The following HNF1B variants were observed in gnomAD, a reference collection of about 807,000 sequenced individuals.
The protein encoded by HNF1B is hepatocyte nuclear factor 1-beta.
HNF1B carries 8 observed loss-of-function variants against 61.7 expected under a neutral mutation model. That is an observed-to-expected ratio of 0.13 (90% CI 0.08 to 0.23). HNF1B has a LOEUF of 0.23. HNF1B is among the 10% of genes least tolerant of loss of function. The probability of loss-of-function intolerance (pLI) is 1.00; values close to 1 mark genes in which losing one functional copy is unlikely to be tolerated. For missense variants in HNF1B, 562 were observed against 714.5 expected, an observed-to-expected ratio of 0.79 and a Z score of 2.43; for synonymous variants, 314 against 287.7, an observed-to-expected ratio of 1.09 and a Z score of -0.93.
At chr17:37,700,210 C>T (rs8075185) in intron 7 of HNF1B, among the ~76,000 whole-genome samples, 53,549 of 152,062 alleles carry the variant, frequency 0.35, 9,811 homozygotes, top group East Asian at 0.48. Context: ...AGAGAAGCCA[C>T]GATTCCTCCC....
intron 1 of HNF1B, among the ~76,000 whole-genome samples, chr17:37,743,164 A>C (rs2147591579): frequency 6.6e-6 from 1 of 152,198 alleles, no homozygotes; most frequent in Admixed American, 6.5e-5. Flanking sequence ...GCCGAGTGGG[A>C]GGGCCTAGGC....
intron 8 of HNF1B, among the ~76,000 whole-genome samples, chr17:37,694,454 G>A (rs1314510943): frequency 1.1e-3 from 9 of 8,116 alleles, no homozygotes; most frequent in African/African-American, 3.5e-3. Flanking sequence ...CCCCCCCCCC[G>A]CAAAAAAAAA....
intron 4 of HNF1B, 153 bp downstream of exon 4, chr17:37,731,442 A>G (rs920916282): frequency 5.4e-6 from 4 of 735,786 alleles, no homozygotes; most frequent in Admixed American, 4.0e-5. Flanking sequence ...GCCACACATT[A>G]TTTCCAGGGG....
intron 4 of HNF1B, among the ~76,000 whole-genome samples, chr17:37,712,531 T>C (rs1162292674): frequency 1.3e-5 from 2 of 152,180 alleles, no homozygotes; most frequent in East Asian, 1.9e-4. Context: ...AGAAAGAGAT[T>C]TGAACCTTAT....
chr17:37,740,684 G>C (rs2033967377), intron 1 of HNF1B, among the ~76,000 whole-genome samples: 1 of 151,478 alleles, frequency 6.6e-6, no homozygotes, highest in South Asian at 2.1e-4. Context: ...AAATCTACTG[G>C]GCTAATGGGG....
intron 4 of HNF1B, among the ~76,000 whole-genome samples, chr17:37,722,774 A>C (rs2033358567): frequency 6.6e-6 from 1 of 152,204 alleles, no homozygotes; most frequent in South Asian, 2.1e-4. Flanking sequence ...GGTAACAGGA[A>C]GGTACCTGAA....
chr17:37,724,936 G>GTGTGTGTA (rs1466797656), intron 4 of HNF1B, among the ~76,000 whole-genome samples: 1 of 71,900 alleles, frequency 1.4e-5, no homozygotes, highest in African/African-American at 4.4e-5. Flanking sequence ...GTGTGTGTGT[G>GTGTGTGTA]TATATATATA....
At chr17:37,740,627 G>A in intron 1 of HNF1B, among the ~76,000 whole-genome samples, 1 of 150,918 alleles carries the variant, frequency 6.6e-6, no homozygotes, top group East Asian at 1.9e-4. Context: ...CTGAGGTGAG[G>A]CAAGTAGTTA....
chr17:37,701,277 G>T, intron 6 of HNF1B, 100 bp from the exon 7 acceptor site: 1 of 1,174,016 alleles, frequency 8.5e-7, no homozygotes, highest in Non-Finnish European at 1.2e-6. Context: ...CAGTCACCGG[G>T]CTGAGCCTGT....
At chr17:37,727,096 C>T (rs1277655323) in intron 4 of HNF1B, among the ~76,000 whole-genome samples, 6 of 152,210 alleles carry the variant, frequency 3.9e-5, no homozygotes, top group Admixed American at 2.6e-4. Flanking sequence ...TTCCATCCCG[C>T]GCCAACTTCC....
At chr17:37,709,938 C>T (rs2032876296) in intron 5 of HNF1B, among the ~76,000 whole-genome samples, 1 of 152,178 alleles carries the variant, frequency 6.6e-6, no homozygotes, top group African/African-American at 2.4e-5. Flanking sequence ...CCTCCCTAAG[C>T]ATCGCCCCAC....
chr17:37,727,917 TC>T (rs1568660589), intron 4 of HNF1B, among the ~76,000 whole-genome samples: 1 of 151,828 alleles, frequency 6.6e-6, no homozygotes. Flanking sequence ...CGGGCCTTGT[TC>T]CCCCCAGCTC....
At chr17:37,722,249 C>T (rs971344361) in intron 4 of HNF1B, among the ~76,000 whole-genome samples, 2 of 152,210 alleles carry the variant, frequency 1.3e-5, no homozygotes, top group Non-Finnish European at 2.9e-5. Flanking sequence ...CAAGCTCTTC[C>T]GTTCTCTCAA....
At chr17:37,723,095 T>C (rs1327296023) in intron 4 of HNF1B, among the ~76,000 whole-genome samples, 3 of 151,368 alleles carry the variant, frequency 2.0e-5, no homozygotes, top group African/African-American at 7.3e-5. Flanking sequence ...ATCCCAGCAC[T>C]TTGGGAGGCC....
In HNF1B at chr17:37,692,728, G is replaced by C. The variant is rs2032246704; in HGVS notation, c.1654-5336C>G. Among the ~76,000 whole-genome samples, 3 of 152,282 alleles carry C rather than the reference G, an allele frequency of 2.0e-5. No individual in the cohort carries two copies. In the South Asian group the frequency reaches 6.3e-4, roughly 32 times the overall value. On this transcript the variant is annotated intron_variant, in intron 8 of 8. Coordinates refer to ENST00000617811, the MANE Select transcript of HNF1B (RefSeq NM_000458.4). ...CCCTGAACTATTTGCTTTTTTCCTG[G>C]GAAATAGGTGAGCAGGGAGTCTGTG...
chr17:37,742,130 C>T (rs1050313213), intron 1 of HNF1B, among the ~76,000 whole-genome samples: 1 of 152,250 alleles, frequency 6.6e-6, no homozygotes, highest in African/African-American at 2.4e-5. Context: ...CCCGCAGGGT[C>T]CGTCCCGCAC....
chr17:37,735,676 A>G (rs979109382), intron 2 of HNF1B, among the ~76,000 whole-genome samples: 2 of 152,216 alleles, frequency 1.3e-5, no homozygotes, highest in African/African-American at 4.8e-5. Flanking sequence ...ACTGACTGAA[A>G]GCTTAGGGAC....
intron 4 of HNF1B, among the ~76,000 whole-genome samples, chr17:37,727,448 T>G (rs985568648): frequency 1.3e-5 from 2 of 152,066 alleles, no homozygotes; most frequent in Non-Finnish European, 2.9e-5. Flanking sequence ...CCTGGAAAGA[T>G]GAAGGCCCAG....
At chr17:37,723,196 A>T (rs1174411778) in intron 4 of HNF1B, among the ~76,000 whole-genome samples, 1 of 151,710 alleles carries the variant, frequency 6.6e-6, no homozygotes, top group African/African-American at 2.4e-5. Context: ...AAATACAAAA[A>T]ATTAGCCGGG....
Sources: allele counts gnomAD v4.1 joint callset (sites outside exome capture counted in the v4.1 genomes callset), GRCh38; gene constraint gnomAD v4.1.1; transcripts MANE v1.5; gene names NCBI Gene and HGNC (gene_info 2026-07-23, HGNC 2026-07-21).